The following B3GAT2 variants were observed in gnomAD, a reference collection of about 807,000 sequenced individuals.
The protein encoded by B3GAT2 is beta-1,3-glucuronyltransferase 2, also known as galactosylgalactosylxylosylprotein 3-beta-glucuronosyltransferase 2.
Under a neutral mutation model 27.8 loss-of-function variants are expected in B3GAT2, and 26 were observed. The observed-to-expected ratio is 0.93, with a 90% CI of 0.68 to 1.30. The LOEUF is 1.30. Among genes scored for constraint, B3GAT2 ranks in the 50% most tolerant of loss-of-function variants. The probability of loss-of-function intolerance (pLI) is 0.00; values close to 1 mark genes in which losing one functional copy is unlikely to be tolerated. For synonymous variants in B3GAT2, 218 were observed against 195.1 expected (o/e 1.12, Z -0.98); for missense variants, 458 against 459.0 (o/e 1.00, Z 0.02).
At chr6:70,934,971 C>T (rs1158573176) in intron 1 of B3GAT2, among the ~76,000 whole-genome samples, 1 of 152,184 alleles carries the variant, frequency 6.6e-6, no homozygotes. Flanking sequence ...GTAAGTCAGT[C>T]CTGAAGCTTT....
chr6:70,887,503 G>T (rs1055939229), intron 2 of B3GAT2, among the ~76,000 whole-genome samples: 1 of 152,104 alleles, frequency 6.6e-6, no homozygotes, highest in Non-Finnish European at 1.5e-5. Flanking sequence ...GGATAGTGCC[G>T]TCACTCAGCC....
intron 1 of B3GAT2, among the ~76,000 whole-genome samples, chr6:70,922,976 T>C (rs1244633393): frequency 6.6e-6 from 1 of 152,154 alleles, no homozygotes; most frequent in Admixed American, 6.5e-5. Context: ...TCCACACATA[T>C]AAATGGGTAT....
intron 1 of B3GAT2, among the ~76,000 whole-genome samples, chr6:70,954,306 G>C (rs111925094): frequency 6.6e-6 from 1 of 152,046 alleles, no homozygotes; most frequent in East Asian, 1.9e-4. Flanking sequence ...GGTTGAGTAA[G>C]GACCATACTA....
At chr6:70,900,982 G>A (rs1772488591) in intron 1 of B3GAT2, among the ~76,000 whole-genome samples, 1 of 152,038 alleles carries the variant, frequency 6.6e-6, no homozygotes, top group African/African-American at 2.4e-5. Context: ...CAAATCCAAT[G>A]GGACCCATGA....
At chr6:70,936,806 G>A (rs373112720) in intron 1 of B3GAT2, among the ~76,000 whole-genome samples, 12,240 of 151,568 alleles carry the variant, frequency 0.081, 596 homozygotes, top group Non-Finnish European at 0.11. Context: ...AAGCAGGAAA[G>A]ATCCAAAATT....
intron 2 of B3GAT2, among the ~76,000 whole-genome samples, chr6:70,868,157 C>T (rs918717561): frequency 6.6e-6 from 1 of 152,132 alleles, no homozygotes; most frequent in African/African-American, 2.4e-5. Flanking sequence ...AGTGAACTTT[C>T]TCAACTTAAT....
chr6:70,895,602 T>C (rs1772369654), intron 1 of B3GAT2, among the ~76,000 whole-genome samples: 1 of 142,332 alleles, frequency 7.0e-6, no homozygotes, highest in Admixed American at 7.8e-5. Context: ...GCCTCCCGGG[T>C]TCAAGTAATT....
Position 70,857,427 on chromosome 6 carries a change from C to T in B3GAT2, c.*4236G>A, listed in dbSNP as rs1353245992. The T allele has an allele frequency of 6.0e-6, 1 of 166,982 alleles. No homozygotes were observed. The highest frequency in any genetic ancestry group is 1.3e-5 in the Non-Finnish European group (1 of 77,518). The allele number at this position is 166,982 out of a possible 1,614,324, so 10.3% of individuals were successfully genotyped here. On this transcript the variant is annotated 3_prime_UTR_variant, in exon 4 of 4. Transcript: ENST00000230053. ...TCTATGAATTTTTTTGTAATCATAA[C>T]AAAATATTAGCATAAGCCTTATTGT... is the stretch of plus-strand genomic sequence containing the variant.
At chr6:70,913,487 T>C (rs1430542407) in intron 1 of B3GAT2, among the ~76,000 whole-genome samples, 2 of 152,218 alleles carry the variant, frequency 1.3e-5, no homozygotes, top group African/African-American at 2.4e-5. Context: ...AGCAGGTTGT[T>C]TGATTTGCAT....
At chr6:70,904,277 T>C (rs1772559842) in intron 1 of B3GAT2, among the ~76,000 whole-genome samples, 3 of 152,216 alleles carry the variant, frequency 2.0e-5, no homozygotes, top group Admixed American at 2.0e-4. Flanking sequence ...GTTCAGGGTA[T>C]ATGAATTTGC....
At chr6:70,943,532 T>G (rs1379636314) in intron 1 of B3GAT2, among the ~76,000 whole-genome samples, 1 of 152,234 alleles carries the variant, frequency 6.6e-6, no homozygotes. Context: ...CGTTCAGTTC[T>G]GCCTGCCCTG....
In B3GAT2 at chr6:70,933,858, T is replaced by A. The variant is rs75919472; in HGVS notation, c.591+21981A>T. ...CCCAGACTTCTGAGAGACGTACAAA[T>A]AGAGAGTGAAGTTACTCTGTTTACC... On this transcript the variant is annotated intron_variant, in intron 1 of 3. Transcript: ENST00000230053. Among the ~76,000 whole-genome samples the A allele has an allele frequency of 7.3e-4, 111 of 152,248 alleles. No individual in the cohort carries two copies. In the East Asian group the frequency reaches 0.018, roughly 25 times the overall value.
intron 1 of B3GAT2, among the ~76,000 whole-genome samples, chr6:70,950,276 T>G (rs1765558146): frequency 8.1e-6 from 1 of 123,768 alleles, no homozygotes; most frequent in Admixed American, 9.0e-5. Flanking sequence ...GCTAATAAAG[T>G]ACATTTTCTT....
rs1771521041 is a variant in B3GAT2 at position 70,858,220 on chromosome 6, C to T, written c.*3443G>A. 6.2e-7 allele frequency: 1 copy of T among 1,611,588 alleles called. No homozygotes were observed. On this transcript the variant is annotated 3_prime_UTR_variant, in exon 4 of 4. Coordinates refer to ENST00000230053, the MANE Select transcript of B3GAT2 (RefSeq NM_080742.3). ...CGCAAGCTCAGCAGCCCCAGTGGAG[C>T]CTCTCACAGGTAGGGGTCATTTACT...
intron 1 of B3GAT2, among the ~76,000 whole-genome samples, chr6:70,948,869 T>C (rs1351284332): frequency 1.3e-5 from 2 of 151,746 alleles, no homozygotes; most frequent in African/African-American, 4.8e-5. Flanking sequence ...GAGATATAGA[T>C]CAATGGAACA....
chr6:70,863,154 C>T (rs1174568782), intron 2 of B3GAT2, among the ~76,000 whole-genome samples: 2 of 152,098 alleles, frequency 1.3e-5, no homozygotes, highest in Admixed American at 6.5e-5. Context: ...AGTCAGGCAC[C>T]CTCCCAGAGT....
intron 1 of B3GAT2, among the ~76,000 whole-genome samples, chr6:70,899,687 T>C (rs1457809500): frequency 6.6e-6 from 1 of 152,180 alleles, no homozygotes; most frequent in Non-Finnish European, 1.5e-5. Flanking sequence ...CACTATACTA[T>C]ATAGAGTGTG....
rs1772937301 is a variant in B3GAT2 at position 70,925,390 on chromosome 6, T to G, written c.591+30449A>C. Among the ~76,000 whole-genome samples, 3 of 152,148 alleles carry G rather than the reference T, an allele frequency of 2.0e-5. No homozygotes were observed. In the South Asian group the frequency reaches 6.2e-4, roughly 32 times the overall value. ...GCACAAGGGGTCAGGGAATTCCCTT[T>G]CCTAGCCAAGGGAAGCCGTGACAGA... On this transcript the variant is annotated intron_variant, in intron 1 of 3. Transcript: ENST00000230053.
At chr6:70,925,480 G>C (rs1267564806) in intron 1 of B3GAT2, among the ~76,000 whole-genome samples, 1 of 152,178 alleles carries the variant, frequency 6.6e-6, no homozygotes, top group Non-Finnish European at 1.5e-5. Flanking sequence ...CTTAGCAAAC[G>C]GCACACCAGG....
Sources: gnomAD v4.1 joint callset for allele counts (sites outside exome capture counted in the v4.1 genomes callset) on GRCh38, gnomAD v4.1.1 for gene constraint, MANE v1.5 for transcripts, NCBI Gene and HGNC (gene_info 2026-07-23, HGNC 2026-07-21) for gene names.